The following SMARCAL1 variants were observed in gnomAD, a reference collection of about 807,000 sequenced individuals.
SMARCAL1 encodes ATP-driven annealing helicase.
SMARCAL1 carries 58 observed loss-of-function variants against 94.5 expected under a neutral mutation model. That is an observed-to-expected ratio of 0.61 (90% confidence interval 0.50 to 0.76). SMARCAL1 has a LOEUF of 0.76. Among genes scored for constraint, SMARCAL1 ranks in the 30% least tolerant of loss-of-function variants. The pLI is 0.00. For missense variants in SMARCAL1, 1,051 were observed against 1,177.9 expected, an observed-to-expected ratio of 0.89 and a Z score of 1.58; for synonymous variants, 422 against 455.1, an observed-to-expected ratio of 0.93 and a Z score of 0.93.
chr2:216,449,630 T>C (rs1385712925), intron 11 of SMARCAL1, among the ~76,000 whole-genome samples: 1 of 152,170 alleles, frequency 6.6e-6, no homozygotes, highest in Non-Finnish European at 1.5e-5. Context: ...CTATTCTGTC[T>C]CCACTATTAT....
intron 10 of SMARCAL1, 120 bp downstream of exon 10, chr2:216,438,605 G>T: frequency 1.2e-6 from 1 of 824,408 alleles, no homozygotes; most frequent in South Asian, 1.4e-5. Context: ...CCATGGTCAT[G>T]ACTTGGCATT....
intron 8 of SMARCAL1, 78 bp from the exon 9 acceptor site, chr2:216,435,260 A>G (rs370101369): frequency 6.7e-7 from 1 of 1,491,734 alleles, no homozygotes; most frequent in Non-Finnish European, 9.3e-7. Context: ...GTTGATGGGC[A>G]TGAGACTGCT....
chr2:216,478,374 G>C, intron 17 of SMARCAL1, 75 bp downstream of exon 17: 1 of 1,135,036 alleles, frequency 8.8e-7, no homozygotes, highest in Non-Finnish European at 1.3e-6. Flanking sequence ...TTTGGGTCCT[G>C]AGTAGGAGGA....
chr2:216,432,606 C>T (rs1693988755), intron 7 of SMARCAL1, 112 bp from the exon 8 acceptor site: 3 of 1,295,878 alleles, frequency 2.3e-6, no homozygotes, highest in East Asian at 2.4e-5. Context: ...GTGGGCTGGG[C>T]CCGGGCTGGC....
intron 13 of SMARCAL1, among the ~76,000 whole-genome samples, chr2:216,465,738 C>G (rs761534552): frequency 2.0e-5 from 3 of 151,736 alleles, no homozygotes; most frequent in Non-Finnish European, 4.4e-5. Flanking sequence ...GGATAATGGT[C>G]CAACTGATGA....
At chr2:216,420,258 C>A in intron 4 of SMARCAL1, 41 bp from the exon 5 acceptor site, 1 of 1,516,754 alleles carries the variant, frequency 6.6e-7, no homozygotes, top group Non-Finnish European at 9.1e-7. Flanking sequence ...CATCATAGTC[C>A]CCTGCTTTAT....
chr2:216,414,496 AGT>A lies in SMARCAL1; in HGVS notation c.-58-143_-58-142del, dbSNP rs1481438061. On this transcript the variant is annotated intron_variant, in intron 2 of 17. Coordinates refer to ENST00000357276, the MANE Select transcript of SMARCAL1 (RefSeq NM_014140.4). ...TTCAGCATATGCTGCCTACTATTTC[AGT>A]GTGTGTGCAATTATAAAAGAAACTT... 11 of 585,796 alleles carry A rather than the reference AGT, an allele frequency of 1.9e-5. No individual in the cohort carries two copies. The Admixed American group carries it at 3.3e-4, about 17-fold the overall frequency. The allele number at this position is 585,796 out of a possible 1,614,324, so 36.3% of individuals were successfully genotyped here. A position where few individuals can be genotyped will look rare whatever the true frequency, so the allele number is the denominator to read the frequency against.
intron 12 of SMARCAL1, among the ~76,000 whole-genome samples, chr2:216,464,150 G>C (rs1694776728): frequency 6.6e-6 from 1 of 152,236 alleles, no homozygotes; most frequent in Non-Finnish European, 1.5e-5. Context: ...CTGTAAGTCA[G>C]GTATAGTCAC....
At chr2:216,463,023 G>C (rs1694740110) in intron 12 of SMARCAL1, among the ~76,000 whole-genome samples, 1 of 152,112 alleles carries the variant, frequency 6.6e-6, no homozygotes, top group African/African-American at 2.4e-5. Context: ...GTTTTAACCA[G>C]ACAGCTTTTT....
At chr2:216,431,802 T>C (rs984423164) in intron 7 of SMARCAL1, among the ~76,000 whole-genome samples, 7 of 152,326 alleles carry the variant, frequency 4.6e-5, no homozygotes, top group Admixed American at 3.9e-4. Flanking sequence ...TTAAGGGCTT[T>C]AGGGTCCTGG....
At chr2:216,435,666 A>G (rs558938740) in intron 9 of SMARCAL1, among the ~76,000 whole-genome samples, 170 bp downstream of exon 9, 15 of 152,306 alleles carry the variant, frequency 9.8e-5, no homozygotes, top group Non-Finnish European at 2.1e-4. Flanking sequence ...CCCCTCAAAT[A>G]GCCATTCTCA....
chr2:216,442,584 C>T (rs1337226802), intron 10 of SMARCAL1, among the ~76,000 whole-genome samples: 2 of 152,124 alleles, frequency 1.3e-5, no homozygotes, highest in African/African-American at 2.4e-5. Context: ...TATGGAAGTA[C>T]GAGTGTGTGT....
chr2:216,417,940 A>G (rs910844657), intron 4 of SMARCAL1, among the ~76,000 whole-genome samples: 5 of 151,806 alleles, frequency 3.3e-5, no homozygotes, highest in African/African-American at 1.2e-4. Flanking sequence ...TTTTTTTTTG[A>G]GACAGAGTCT....
chr2:216,426,854 C>A (rs536171663), intron 6 of SMARCAL1, among the ~76,000 whole-genome samples: 1 of 152,258 alleles, frequency 6.6e-6, no homozygotes, highest in Non-Finnish European at 1.5e-5. Flanking sequence ...GAAATTAGAT[C>A]GATGACCCTG....
chr2:216,459,297 C>T (rs1375014271), intron 12 of SMARCAL1, among the ~76,000 whole-genome samples: 2 of 152,206 alleles, frequency 1.3e-5, no homozygotes, highest in South Asian at 2.1e-4. Context: ...CCCCATCAAG[C>T]TACCAATGAC....
chr2:216,446,132 C>T (rs284548), intron 10 of SMARCAL1, among the ~76,000 whole-genome samples: 9,698 of 151,508 alleles, frequency 0.064, 730 homozygotes, highest in African/African-American at 0.17. Flanking sequence ...TTTTTTCTCA[C>T]CCTCTTTCCC....
chr2:216,415,600 AAG>A (rs1693582091), intron 3 of SMARCAL1, 85 bp downstream of exon 3: 2 of 1,266,564 alleles, frequency 1.6e-6, no homozygotes, highest in South Asian at 2.5e-5. Context: ...CATAAATATT[AAG>A]AGAGTGCATT....
chr2:216,418,636 G>A (rs1000254471), intron 4 of SMARCAL1, among the ~76,000 whole-genome samples: 9 of 152,074 alleles, frequency 5.9e-5, no homozygotes, highest in Admixed American at 2.0e-4. Flanking sequence ...ATATTTTGAC[G>A]TGTGAAGAAG....
At chr2:216,478,816 A>G (rs186190876) in intron 17 of SMARCAL1, among the ~76,000 whole-genome samples, 17 of 152,324 alleles carry the variant, frequency 1.1e-4, no homozygotes, top group Non-Finnish European at 2.1e-4. Context: ...AGCCAGCCCA[A>G]GGAAGAAGGC....
Sources: gnomAD v4.1 joint callset for allele counts (sites outside exome capture counted in the v4.1 genomes callset) on GRCh38, gnomAD v4.1.1 for gene constraint, MANE v1.5 for transcripts, NCBI Gene and HGNC (gene_info 2026-07-23, HGNC 2026-07-21) for gene names.